Variants in CYSLTR2 observed in about 807,000 individuals in gnomAD.
CYSLTR2 encodes G-protein coupled receptor GPCR21.
For synonymous variants in CYSLTR2, 179 were observed against 160.8 expected, an observed-to-expected ratio of 1.11 and a Z score of -0.86; for missense variants, 398 against 411.9, an observed-to-expected ratio of 0.97 and a Z score of 0.29.
chr13:48,689,529 G>T (rs1953981492), intron 1 of CYSLTR2, among the ~76,000 whole-genome samples: 1 of 152,164 alleles, frequency 6.6e-6, no homozygotes, highest in African/African-American at 2.4e-5. Context: ...CCCATTGCTT[G>T]TTTTTGTCAA....
In CYSLTR2 at chr13:48,708,850, A is replaced by C. The variant is rs140111681; in HGVS notation, c.*992A>C. 1.9e-3 allele frequency: 323 copies of C among 167,182 alleles called. No homozygotes were observed. The highest frequency in any genetic ancestry group is 2.2e-3 in the Non-Finnish European group (153 of 68,114). The allele number at this position is 167,182 out of a possible 1,614,324, so 10.4% of individuals were successfully genotyped here. A position where few individuals can be genotyped will look rare whatever the true frequency, so the allele number is the denominator to read the frequency against. On this transcript the variant is annotated 3_prime_UTR_variant, in exon 5 of 5. Transcript: ENST00000682523. ...GAGATGCTGCCTTCCCTTTTGAGAT[A>C]GTGTAGAAAAACACTAGATAGTGTG...
In CYSLTR2 at chr13:48,695,042, A is replaced by G. The variant is rs141794738; in HGVS notation, c.-102-1484A>G. 2.5e-3 allele frequency among the ~76,000 whole-genome samples: 372 copies of G among 147,406 alleles called. 2 individuals carry two copies. The highest frequency in any genetic ancestry group is 8.9e-3 in the African/African-American group (355 of 39,678). ...CCTTCCCGCAATGGTAACATCTTGC[A>G]AGACCATGGTATATCAGAACCTGGC... On this transcript the variant is annotated intron_variant, in intron 3 of 4. Coordinates refer to ENST00000682523, the MANE Select transcript of CYSLTR2 (RefSeq NM_001308476.3).
intron 1 of CYSLTR2, among the ~76,000 whole-genome samples, chr13:48,671,013 C>T (rs189244088): frequency 2.6e-5 from 4 of 152,144 alleles, no homozygotes; most frequent in Non-Finnish European, 2.9e-5. Context: ...AAGTTGTATT[C>T]CTAGGTATCT....
At chr13:48,672,156 A>G (rs1225145881) in intron 1 of CYSLTR2, among the ~76,000 whole-genome samples, 1 of 151,944 alleles carries the variant, frequency 6.6e-6, no homozygotes, top group Non-Finnish European at 1.5e-5. Flanking sequence ...TATTGTGTCT[A>G]TTTGATTCTT....
chr13:48,681,897 C>T (rs906734449), intron 1 of CYSLTR2, among the ~76,000 whole-genome samples: 4 of 152,190 alleles, frequency 2.6e-5, no homozygotes, highest in Non-Finnish European at 5.9e-5. Context: ...CCTTCTCTAA[C>T]TTCTTAAACT....
intron 1 of CYSLTR2, among the ~76,000 whole-genome samples, chr13:48,674,258 C>T (rs1195823587): frequency 1.3e-5 from 2 of 152,128 alleles, no homozygotes; most frequent in African/African-American, 4.8e-5. Flanking sequence ...TTCAGGTACA[C>T]CAATCAGATG....
intron 4 of CYSLTR2, among the ~76,000 whole-genome samples, chr13:48,702,697 T>C (rs1015326397): frequency 2.6e-5 from 4 of 152,240 alleles, no homozygotes; most frequent in Non-Finnish European, 4.4e-5. Flanking sequence ...TTACTTTAAC[T>C]ATAAAATAAG....
chr13:48,662,632 A>G (rs979229339), intron 1 of CYSLTR2, among the ~76,000 whole-genome samples: 8 of 152,062 alleles, frequency 5.3e-5, no homozygotes, highest in Non-Finnish European at 1.0e-4. Context: ...TTTTTCATAT[A>G]CCTGTTGACC....
chr13:48,686,708 T>C (rs2138918353), intron 1 of CYSLTR2, among the ~76,000 whole-genome samples: 1 of 152,306 alleles, frequency 6.6e-6, no homozygotes, highest in African/African-American at 2.4e-5. Context: ...GATTTAAGGC[T>C]ATGTTATTAT....
At position 48,697,987 on chromosome 13, in the gene CYSLTR2, G is replaced by A. The variant is rs568481417; in HGVS notation, c.-2+1361G>A. Among the ~76,000 whole-genome samples the A allele has an allele frequency of 2.0e-5, 3 of 152,196 alleles. No homozygotes were observed. The South Asian group carries it at 6.2e-4, about 32-fold the overall frequency. On this transcript the variant is annotated intron_variant, in intron 4 of 4. Transcript: ENST00000682523. ...TAGAGAGAAAAAAGTAAAAAGAAATGAAAAAAGCCTCCAAGAAATATGGGA... is the reference window on the plus strand; with the variant it reads ...TAGAGAGAAAAAAGTAAAAAGAAATAAAAAAAGCCTCCAAGAAATATGGGA...
chr13:48,666,586 G>A (rs2407246), intron 1 of CYSLTR2, among the ~76,000 whole-genome samples: 89,073 of 151,766 alleles, frequency 0.59, 28,243 homozygotes, highest in African/African-American at 0.85. Context: ...AGCTTTTTTC[G>A]TTCTCTTTTA....
intron 3 of CYSLTR2, among the ~76,000 whole-genome samples, chr13:48,694,184 A>T (rs566845285): frequency 2.0e-5 from 3 of 152,282 alleles, no homozygotes; most frequent in East Asian, 3.9e-4. Context: ...AACGAAAAAA[A>T]CAGTAGTTCT....
rs112581050 is a variant in CYSLTR2, at chr13:48,694,015, G to A, written c.-103+505G>A. Among the ~76,000 whole-genome samples the A allele has an allele frequency of 1.8e-3, 277 of 152,320 alleles. 1 individual carries two copies. Among genetic ancestry groups the A allele is most frequent in the Admixed American group, 5.9e-3 (90 of 15,296 alleles). On this transcript the variant is annotated intron_variant, in intron 3 of 4. Coordinates refer to ENST00000682523, the MANE Select transcript of CYSLTR2 (RefSeq NM_001308476.3). ...TGTGTTACATTGCAGAAATCTCAAA[G>A]AAACAGGTATCTGGCCTGGAAGAAG...
At chr13:48,685,595 C>T (rs1210449403) in intron 1 of CYSLTR2, among the ~76,000 whole-genome samples, 2 of 152,192 alleles carry the variant, frequency 1.3e-5, no homozygotes, top group Non-Finnish European at 2.9e-5. Flanking sequence ...GTAAGGTATG[C>T]TTGGAAATGC....
intron 1 of CYSLTR2, among the ~76,000 whole-genome samples, chr13:48,678,872 C>A (rs1953671959): frequency 6.6e-6 from 1 of 152,126 alleles, no homozygotes; most frequent in African/African-American, 2.4e-5. Context: ...GTCTGTGCAG[C>A]CTCTCTGTTC....
At chr13:48,689,111 TA>T (rs1953970400) in intron 1 of CYSLTR2, among the ~76,000 whole-genome samples, 1 of 152,248 alleles carries the variant, frequency 6.6e-6, no homozygotes. Flanking sequence ...GTTGTTTGTT[TA>T]TTCTCGTAAA....
chr13:48,702,291 G>A (rs1017501488), intron 4 of CYSLTR2, among the ~76,000 whole-genome samples: 6 of 151,446 alleles, frequency 4.0e-5, no homozygotes, highest in Non-Finnish European at 8.8e-5. Context: ...GATAGCATTA[G>A]GAGATATACC....
At chr13:48,654,924 A>G (rs1010448177) in intron 1 of CYSLTR2, among the ~76,000 whole-genome samples, 1 of 152,228 alleles carries the variant, frequency 6.6e-6, no homozygotes, top group African/African-American at 2.4e-5. Flanking sequence ...TGTCTCTGAA[A>G]TATACCTGAG....
chr13:48,704,335 C>T (rs1954425342), intron 4 of CYSLTR2, among the ~76,000 whole-genome samples: 1 of 152,088 alleles, frequency 6.6e-6, no homozygotes, highest in Admixed American at 6.6e-5. Context: ...CCAGCCTGTG[C>T]AACATGGAGA....
Sources: allele counts gnomAD v4.1 joint callset (sites outside exome capture counted in the v4.1 genomes callset), GRCh38; gene constraint gnomAD v4.1.1; transcripts MANE v1.5; gene names NCBI Gene and HGNC (gene_info 2026-07-23, HGNC 2026-07-21).